LRRTM3: variants seen among roughly 807,000 people sequenced by gnomAD.
The protein encoded by LRRTM3 is leucine-rich repeat transmembrane neuronal protein 3.
LRRTM3 carries 24 observed loss-of-function variants against 44.7 expected under a neutral mutation model. The ratio of observed to expected loss-of-function variants is 0.54; its 90% CI spans 0.39 to 0.76. The LOEUF is 0.76. Among genes scored for constraint, LRRTM3 ranks in the 30% least tolerant of loss-of-function variants. The probability of loss-of-function intolerance (pLI) is 0.00; values close to 1 mark genes in which losing one functional copy is unlikely to be tolerated. For missense variants in LRRTM3, 587 were observed against 702.2 expected (o/e 0.84, Z 1.85); for synonymous variants, 277 against 278.7 (o/e 0.99, Z 0.06).
At chr10:67,079,435 G>A (rs1856918883) in intron 2 of LRRTM3, among the ~76,000 whole-genome samples, 1 of 152,136 alleles carries the variant, frequency 6.6e-6, no homozygotes, top group South Asian at 2.1e-4. Context: ...TCTAAGTTTA[G>A]AAAACCCCAA....
At chr10:67,014,968 T>C (rs1407881981) in intron 2 of LRRTM3, among the ~76,000 whole-genome samples, 1 of 152,082 alleles carries the variant, frequency 6.6e-6, no homozygotes, top group Non-Finnish European at 1.5e-5. Context: ...AAAGAAAATT[T>C]GAACTAAAAA....
At chr10:67,028,521 A>G (rs1054618592) in intron 2 of LRRTM3, among the ~76,000 whole-genome samples, 3 of 152,156 alleles carry the variant, frequency 2.0e-5, no homozygotes, top group Non-Finnish European at 4.4e-5. Context: ...ACTTTAGGCA[A>G]ATAGTCAATG....
intron 2 of LRRTM3, among the ~76,000 whole-genome samples, chr10:67,051,440 A>ATCTTTTT (rs1264400453): frequency 1.4e-5 from 2 of 147,456 alleles, no homozygotes; most frequent in African/African-American, 2.5e-5. Flanking sequence ...TTCCTTACAC[A>ATCTTTTT]TCTTTTTTCT....
chr10:67,079,080 T>C (rs151013810), intron 2 of LRRTM3, among the ~76,000 whole-genome samples: 1 of 152,296 alleles, frequency 6.6e-6, no homozygotes, highest in East Asian at 1.9e-4. Context: ...CAATAATTCA[T>C]AATATCTGGG....
intron 2 of LRRTM3, among the ~76,000 whole-genome samples, chr10:67,077,812 T>C (rs1411962089): frequency 1.3e-5 from 2 of 151,832 alleles, no homozygotes; most frequent in Non-Finnish European, 2.9e-5. Flanking sequence ...ATTTATTAAA[T>C]GAATGAATTA....
At chr10:66,970,356 T>A (rs1282952212) in intron 2 of LRRTM3, among the ~76,000 whole-genome samples, 1 of 152,140 alleles carries the variant, frequency 6.6e-6, no homozygotes, top group East Asian at 1.9e-4. Context: ...ATATATTACC[T>A]GCATACACAG....
intron 2 of LRRTM3, among the ~76,000 whole-genome samples, chr10:66,938,789 G>A (rs774942789): frequency 1.4e-4 from 22 of 152,264 alleles, no homozygotes; most frequent in Non-Finnish European, 2.4e-4. Context: ...ACATTTGGAG[G>A]GATATGTTAA....
rs149636592 is a variant in LRRTM3, at chr10:66,978,061, TATATATACAC to T, written c.1536+49611_1536+49620del. ...AAATAAATTTGCACACACATATATATATATATACACACACACACACACACACACACATGCG... is the reference window on the plus strand; with the variant it reads ...AAATAAATTTGCACACACATATATATACACACACACACACACACACATGCG... On this transcript the variant is annotated intron_variant, in intron 2 of 2. Coordinates refer to ENST00000361320, the MANE Select transcript of LRRTM3 (RefSeq NM_178011.5). Among the ~76,000 whole-genome samples the T allele has an allele frequency of 4.1e-3, 81 of 19,748 alleles. 1 individual carries two copies. Among genetic ancestry groups the T allele is most frequent in the Admixed American group, 0.039 (47 of 1,204 alleles). 13.0% of individuals were successfully genotyped at this position (19,748 alleles called of 152,430 possible).
intron 2 of LRRTM3, among the ~76,000 whole-genome samples, chr10:67,010,998 C>T (rs1452134069): frequency 6.6e-6 from 1 of 151,966 alleles, no homozygotes; most frequent in African/African-American, 2.4e-5. Flanking sequence ...TCTATAAAAT[C>T]TCATATTATT....
Position 66,927,792 on chromosome 10 carries a change from T to C in LRRTM3, c.876T>C (p.Phe292=). 1 of 1,614,208 alleles carries C rather than the reference T, an allele frequency of 6.2e-7. No homozygotes were observed. The highest frequency in any genetic ancestry group is 1.1e-5 in the South Asian group (1 of 91,084). ...RLNLDSNKLT[F]IGQEILDSWI... The stretch of plus-strand genomic sequence containing the variant: ...ACCTGGATTCCAACAAGCTCACATT[T>C]ATTGGTCAAGAGATTTTGGATTCTT... Residue 292 remains phenylalanine, a synonymous_variant, in exon 2 of 3, where the codon TTT becomes TTC. Coordinates refer to ENST00000361320, the MANE Select transcript of LRRTM3 (RefSeq NM_178011.5). This position sits in a 1 kb window ranked among gnomAD's most constrained non-coding sequence, Gnocchi z 4.7.
chr10:66,980,438 T>A (rs188072971), intron 2 of LRRTM3, among the ~76,000 whole-genome samples: 1 of 152,038 alleles, frequency 6.6e-6, no homozygotes, highest in East Asian at 1.9e-4. Flanking sequence ...GCCACAGCTG[T>A]CACTGGCCTT....
intron 2 of LRRTM3, among the ~76,000 whole-genome samples, chr10:66,955,727 C>T (rs1848755776): frequency 6.6e-6 from 1 of 152,136 alleles, no homozygotes; most frequent in Non-Finnish European, 1.5e-5. Flanking sequence ...CTCCATTGTT[C>T]TTCCTCTTCT....
At chr10:67,066,669 A>T (rs1317303914) in intron 2 of LRRTM3, among the ~76,000 whole-genome samples, 1 of 152,094 alleles carries the variant, frequency 6.6e-6, no homozygotes, top group Non-Finnish European at 1.5e-5. Context: ...TGACTTTCTC[A>T]TCTTGAATAA....
intron 2 of LRRTM3, among the ~76,000 whole-genome samples, chr10:67,056,880 A>G (rs1855463695): frequency 6.6e-6 from 1 of 152,170 alleles, no homozygotes; most frequent in Non-Finnish European, 1.5e-5. Flanking sequence ...CATCAATATC[A>G]AGTGAGAGAG....
In LRRTM3 at chr10:67,100,471, T is replaced by C. The variant is rs549480017; in HGVS notation, c.*2675T>C. Reference sequence around the variant, plus strand: ...ATCTGAAAGACTGTGTCTGGAATCTTTATCACATATTTCCAATTTATTTCA... The same window carrying C: ...ATCTGAAAGACTGTGTCTGGAATCTCTATCACATATTTCCAATTTATTTCA... On this transcript the variant is annotated 3_prime_UTR_variant, in exon 3 of 3. Coordinates refer to ENST00000361320, the MANE Select transcript of LRRTM3 (RefSeq NM_178011.5). Among the ~76,000 whole-genome samples, 23 of 151,924 alleles carry C rather than the reference T, an allele frequency of 1.5e-4. No individual in the cohort carries two copies. The highest frequency in any genetic ancestry group is 2.8e-4 in the Non-Finnish European group (19 of 67,838).
At chr10:66,928,712 G>A (rs1376934073) in intron 2 of LRRTM3, among the ~76,000 whole-genome samples, 1 of 152,172 alleles carries the variant, frequency 6.6e-6, no homozygotes, top group Non-Finnish European at 1.5e-5. Context: ...AATACCTATT[G>A]TATAAGACCC....
At chr10:66,952,440 C>T (rs1188423632) in intron 2 of LRRTM3, among the ~76,000 whole-genome samples, 2 of 152,078 alleles carry the variant, frequency 1.3e-5, no homozygotes, top group Non-Finnish European at 2.9e-5. Flanking sequence ...TTTTAAGCTA[C>T]GAAGGGCCTT....
At chr10:66,959,408 T>C (rs1321334438) in intron 2 of LRRTM3, among the ~76,000 whole-genome samples, 6 of 152,178 alleles carry the variant, frequency 3.9e-5, no homozygotes, top group African/African-American at 1.2e-4. Flanking sequence ...CTTTAAATCA[T>C]TTATTTTATG....
chr10:66,943,518 C>T (rs1313349808), intron 2 of LRRTM3, among the ~76,000 whole-genome samples: 1 of 61,804 alleles, frequency 1.6e-5, no homozygotes, highest in Non-Finnish European at 4.8e-5. Flanking sequence ...ATTCCCCCAC[C>T]CTTTTTTTTT....
Sources: gnomAD v4.1 joint callset for allele counts (sites outside exome capture counted in the v4.1 genomes callset) on GRCh38, gnomAD v4.1.1 for gene constraint, Gnocchi (gnomAD v3.1) non-coding constraint, MANE v1.5 for transcripts, NCBI Gene and HGNC (gene_info 2026-07-23, HGNC 2026-07-21) for gene names.